The following CDHR2 variants were observed in gnomAD, a reference collection of about 807,000 sequenced individuals.
CDHR2 encodes the protein cadherin related family member 2, also known as cadherin-related family member 2.
A neutral mutation model predicts 138.6 loss-of-function variants in CDHR2; 104 were observed. The observed-to-expected ratio is 0.75, with a 90% CI of 0.64 to 0.88. The LOEUF is 0.88. CDHR2 is among the 40% of genes least tolerant of loss of function. The probability of loss-of-function intolerance (pLI) is 0.00; values close to 1 mark genes in which losing one functional copy is unlikely to be tolerated. For missense variants in CDHR2, 1,624 were observed against 1,727.6 expected, an observed-to-expected ratio of 0.94 and a Z score of 1.06; for synonymous variants, 755 against 742.8, an observed-to-expected ratio of 1.02 and a Z score of -0.27.
At position 176,574,141 on chromosome 5, in the gene CDHR2, C is replaced by G; in HGVS notation, c.464C>G (p.Ser155Cys). The G allele has an allele frequency of 6.2e-7, 1 of 1,614,026 alleles. No homozygotes were observed. The highest frequency in any genetic ancestry group is 8.5e-7 in the Non-Finnish European group (1 of 1,179,912). Reference sequence around the variant, plus strand: ...CTGGCCGTGGATAAAGACATGGGGTCTGCAGGCATGGTCGTGTACTCCATA... The same window carrying G: ...CTGGCCGTGGATAAAGACATGGGGTGTGCAGGCATGGTCGTGTACTCCATA... ...SVLAVDKDMG[S>C]AGMVVYSIEK... Residue 155 changes from serine to cysteine, a missense_variant, in exon 7 of 32, where the codon TCT becomes TGT. Ser to Cys is a moderately radical substitution (Grantham distance 112). Transcript: ENST00000261944.
At position 176,578,408 on chromosome 5, in the gene CDHR2, G is replaced by A. The variant is rs1758451827; in HGVS notation, c.1618G>A (p.Val540Met). The A allele has an allele frequency of 6.2e-7, 1 of 1,614,078 alleles. No individual in the cohort carries two copies. The highest frequency in any genetic ancestry group is 1.3e-5 in the African/African-American group (1 of 75,062). The change falls in exon 16 of 32, where the codon GTG (valine) becomes ATG (methionine). Residue 540 changes from valine (V) to methionine (M), a missense_variant. Val to Met is a conservative substitution (Grantham distance 21). Transcript: ENST00000261944. The part of the protein sequence containing the change: ...QVDPVSGTVT[V>M]RNGELLDRES... ...GGATCCCGTCTCAGGGACGGTGACG[G>A]TGAGGAACGGTGAGCTGCTGGACCG...
chr5:176,569,802 A>G (rs1019315723), intron 5 of CDHR2, among the ~76,000 whole-genome samples: 3 of 152,056 alleles, frequency 2.0e-5, no homozygotes, highest in Non-Finnish European at 4.4e-5. Flanking sequence ...TCTACTAAAA[A>G]TACAAAAATT....
chr5:176,554,800 C>T (rs1029496913), intron 1 of CDHR2, among the ~76,000 whole-genome samples: 3 of 152,178 alleles, frequency 2.0e-5, no homozygotes, highest in East Asian at 1.9e-4. Flanking sequence ...ATTACAGGCA[C>T]GTGCCACCAC....
intron 1 of CDHR2, among the ~76,000 whole-genome samples, chr5:176,556,455 A>G (rs536282580): frequency 6.6e-6 from 1 of 152,324 alleles, no homozygotes; most frequent in Non-Finnish European, 1.5e-5. Flanking sequence ...TCACAAGGTC[A>G]GGAGATCGAG....
At chr5:176,575,908 T>C in intron 11 of CDHR2, 44 bp from the exon 12 acceptor site, 1 of 1,579,554 alleles carries the variant, frequency 6.3e-7, no homozygotes, top group Non-Finnish European at 8.6e-7. Flanking sequence ...TCTCTCTCTC[T>C]GAGCACTGGC....
intron 16 of CDHR2, 124 bp downstream of exon 16, chr5:176,578,732 C>G: frequency 7.7e-7 from 1 of 1,295,720 alleles, no homozygotes; most frequent in Non-Finnish European, 1.1e-6. Context: ...CACTCAGAGT[C>G]TCTGTTTCCT....
intron 25 of CDHR2, 49 bp from the exon 26 acceptor site, chr5:176,590,204 C>T (rs778343991): frequency 1.9e-6 from 3 of 1,611,782 alleles, no homozygotes; most frequent in African/African-American, 1.3e-5. Context: ...GCAGGAGGGG[C>T]CTGCTGGGTG....
intron 18 of CDHR2, 72 bp from the exon 19 acceptor site, chr5:176,584,338 G>C (rs926754124): frequency 1.9e-6 from 3 of 1,613,466 alleles, no homozygotes; most frequent in African/African-American, 1.3e-5. Context: ...CGAGTTCCAA[G>C]AGAGGCAAGG....
chr5:176,543,315 T>G lies in CDHR2; in HGVS notation c.-16+546T>G, dbSNP rs1364062846. 6.8e-6 allele frequency among the ~76,000 whole-genome samples: 1 copy of G among 147,176 alleles called. No homozygotes were observed. The highest frequency in any genetic ancestry group is 1.5e-5 in the Non-Finnish European group (1 of 66,130). Reference sequence around the variant, plus strand: ...CCGGCGGCCGGCGCGTCGCTCCCGCTGCAGCCCAGGCTCGCGGTGCGGCTG... The same window carrying G: ...CCGGCGGCCGGCGCGTCGCTCCCGCGGCAGCCCAGGCTCGCGGTGCGGCTG... On this transcript the variant is annotated intron_variant, in intron 1 of 31. Coordinates refer to the CDHR2 transcript ENST00000510636. This position sits in a 1 kb window ranked among gnomAD's most constrained non-coding sequence, Gnocchi z 4.0.
chr5:176,584,945 C>T lies in CDHR2; in HGVS notation c.2664C>T (p.Asp888=). The change falls in exon 19 of 32, where the codon GAC becomes GAT. Residue 888 remains aspartate, a synonymous_variant. Coordinates refer to ENST00000261944, the MANE Select transcript of CDHR2 (RefSeq NM_017675.6). ...AAGCCATCGACTACGAGGCCTGTGA[C>T]CTGGTCACGCTGGTTGTGCGGGCCT... ...QSKAIDYEAC[D]LVTLVVRACD... 1.9e-6 allele frequency: 3 copies of T among 1,583,614 alleles called. No homozygotes were observed. Among genetic ancestry groups the T allele is most frequent in the African/African-American group, 1.3e-5 (1 of 74,080 alleles).
chr5:176,551,982 T>G (rs1490934969), intron 1 of CDHR2, among the ~76,000 whole-genome samples: 1 of 152,116 alleles, frequency 6.6e-6, no homozygotes, highest in Admixed American at 6.6e-5. Flanking sequence ...AGTGCTGGGA[T>G]TACAGGCGTG....
chr5:176,582,478 T>G (rs1430299318), intron 17 of CDHR2, among the ~76,000 whole-genome samples: 1 of 152,154 alleles, frequency 6.6e-6, no homozygotes, highest in Non-Finnish European at 1.5e-5. Context: ...TATTACCGTT[T>G]TATTGATTGA....
Position 176,591,278 on chromosome 5 carries a change from C to T in CDHR2, c.3608C>T (p.Pro1203Leu). The T allele has an allele frequency of 1.2e-6, 2 of 1,613,970 alleles. No homozygotes were observed. Among genetic ancestry groups the T allele is most frequent in the Non-Finnish European group, 1.7e-6 (2 of 1,179,950 alleles). The stretch of plus-strand genomic sequence containing the variant: ...AGGAAGACAGCAGCAGGGGTGATGC[C>T]CTCAGCCCCTGCCATCCCAGGGACT... ...EARKTAAGVM[P>L]SAPAIPGTNM... is the part of the protein sequence containing the mutation. The change falls in exon 29 of 32, where the codon CCC (proline) becomes CTC (leucine). Residue 1203 changes from proline to leucine, a missense_variant. By Grantham distance (98) the Pro-to-Leu change is moderately conservative. Around this residue, in one of 3 missense-constraint regions of CDHR2, gnomAD observed 556 missense variants for 565.7 expected, o/e 0.98. Coordinates refer to ENST00000261944, the MANE Select transcript of CDHR2 (RefSeq NM_017675.6).
chr5:176,590,114 T>C lies in CDHR2; in HGVS notation c.3243T>C (p.Ile1081=). 6.2e-7 allele frequency: 1 copy of C among 1,613,802 alleles called. No homozygotes were observed. Among genetic ancestry groups the C allele is most frequent in the Non-Finnish European group, 8.5e-7 (1 of 1,179,994 alleles). The change falls in exon 25 of 32, where the codon ATT becomes ATC. Residue 1081 remains isoleucine (I), a synonymous_variant. Coordinates refer to ENST00000261944, the MANE Select transcript of CDHR2 (RefSeq NM_017675.6). The stretch of plus-strand genomic sequence containing the variant: ...AGGCAACCAGGACTACAGTATACAT[T>C]GTGGACATTCAGGACATAGATTCTG... ...LTQATRTTVY[I]VDIQDIDSAA...
rs1758835336 is a variant in CDHR2 at position 176,591,289 on chromosome 5, G to A, written c.3619G>A (p.Ala1207Thr). Residue 1207 changes from alanine (A) to threonine (T), a missense_variant, in exon 29 of 32, where the codon GCC (alanine) becomes ACC (threonine). This residue lies in a region of CDHR2 where 556 missense variants were observed against 565.7 expected (regional missense o/e 0.98). Transcript: ENST00000261944. ...TAAGVMPSAP[A>T]IPGTNMYNTE... The stretch of plus-strand genomic sequence containing the variant: ...AGCAGGGGTGATGCCCTCAGCCCCT[G>A]CCATCCCAGGGACTAACATGTACAA... 1.2e-6 allele frequency: 2 copies of A among 1,614,028 alleles called. No homozygotes were observed. Among genetic ancestry groups the A allele is most frequent in the Admixed American group, 1.7e-5 (1 of 60,028 alleles).
intron 5 of CDHR2, among the ~76,000 whole-genome samples, chr5:176,570,950 TA>T (rs35630981): frequency 0.099 from 12,179 of 123,606 alleles, 587 homozygotes; most frequent in South Asian, 0.16. Context: ...AAACTCTGTC[TA>T]AAAAAAAAAA....
chr5:176,565,842 G>A (rs980857252), intron 3 of CDHR2, 99 bp downstream of exon 3: 2 of 838,712 alleles, frequency 2.4e-6, no homozygotes, highest in Admixed American at 4.6e-5. Context: ...CAACTCCATG[G>A]CTTATTGTGG....
At position 176,543,453 on chromosome 5, in the gene CDHR2, C is replaced by T. The variant is rs1040905954; in HGVS notation, c.-16+684C>T. ...ACACCGGCTGCGCAGCTTCCAGGAC[C>T]CCCGCCCCGGCCCCGCGCGAATGGA... On this transcript the variant is annotated intron_variant, in intron 1 of 31. Transcript: ENST00000510636. This position sits in a 1 kb window ranked among gnomAD's most constrained non-coding sequence, Gnocchi z 4.0. 1.3e-5 allele frequency: 2 copies of T among 151,890 alleles called. No individual in the cohort carries two copies. Among genetic ancestry groups the T allele is most frequent in the African/African-American group, 2.4e-5 (1 of 41,382 alleles). 9.4% of individuals were successfully genotyped at this position (151,890 alleles called of 1,614,324 possible). A position where few individuals can be genotyped will look rare whatever the true frequency, so the allele number is the denominator to read the frequency against.
At chr5:176,586,059 T>C (rs1758656105) in intron 20 of CDHR2, 34 bp downstream of exon 20, 1 of 1,583,248 alleles carries the variant, frequency 6.3e-7, no homozygotes, top group Non-Finnish European at 8.7e-7. Context: ...ACCATACCCC[T>C]GCTCCATAAG....
Sources: gnomAD v4.1 joint callset for allele counts (sites outside exome capture counted in the v4.1 genomes callset) on GRCh38, gnomAD v4.1.1 for gene constraint, gnomAD v4.1.1 regional missense constraint, Gnocchi (gnomAD v3.1) non-coding constraint, MANE v1.5 for transcripts, NCBI Gene and HGNC (gene_info 2026-07-23, HGNC 2026-07-21) for gene names.